The following BCAT1 variants were observed in gnomAD, a reference collection of about 807,000 sequenced individuals.
The protein encoded by BCAT1 is branched-chain-amino-acid aminotransferase, cytosolic.
A neutral mutation model predicts 52.4 loss-of-function variants in BCAT1; 48 were observed. That is an observed-to-expected ratio of 0.92 (90% CI 0.73 to 1.16). The LOEUF (loss-of-function observed/expected upper bound fraction) is 1.16, where lower values mean the gene tolerates loss of function less well. Among genes scored for constraint, BCAT1 ranks in the 50% most tolerant of loss-of-function variants. BCAT1 has a pLI of 0.00. For synonymous variants in BCAT1, 167 were observed against 161.3 expected (o/e 1.04, Z -0.27); for missense variants, 451 against 457.1 (o/e 0.99, Z 0.12).
intron 1 of BCAT1, among the ~76,000 whole-genome samples, chr12:24,928,093 C>T (rs1487472509): frequency 6.6e-6 from 1 of 152,202 alleles, no homozygotes; most frequent in Non-Finnish European, 1.5e-5. Context: ...TAAAAGAAAA[C>T]AAAATTCTTA....
chr12:24,920,390 C>T (rs1384635935), intron 1 of BCAT1, among the ~76,000 whole-genome samples: 1 of 152,166 alleles, frequency 6.6e-6, no homozygotes, highest in Non-Finnish European at 1.5e-5. Flanking sequence ...TAATGCTTGA[C>T]CTTAGATGCT....
At chr12:24,892,191 C>T (rs532109087) in intron 3 of BCAT1, among the ~76,000 whole-genome samples, 3 of 152,032 alleles carry the variant, frequency 2.0e-5, no homozygotes, top group South Asian at 4.1e-4. Flanking sequence ...CTGGTTTGAA[C>T]GACTCTGACA....
At chr12:24,892,298 AC>A (rs927489422) in intron 3 of BCAT1, among the ~76,000 whole-genome samples, 29 of 152,010 alleles carry the variant, frequency 1.9e-4, no homozygotes, top group African/African-American at 6.3e-4. Context: ...GATGTGAACC[AC>A]CCCACCCAGC....
chr12:24,831,512 G>T (rs2139378602), intron 9 of BCAT1, among the ~76,000 whole-genome samples: 1 of 152,288 alleles, frequency 6.6e-6, no homozygotes, highest in South Asian at 2.1e-4. Flanking sequence ...AGCTGGGTGT[G>T]GTGGTGCACA....
chr12:24,844,350 G>C (rs916143129), intron 6 of BCAT1, among the ~76,000 whole-genome samples: 4 of 152,070 alleles, frequency 2.6e-5, no homozygotes, highest in African/African-American at 9.7e-5. Context: ...AGAATTGCTT[G>C]AACTCGGGAG....
At position 24,894,125 on chromosome 12, in the gene BCAT1, T is replaced by C. The variant is rs1486080751; in HGVS notation, c.279+150A>G. 8 of 663,144 alleles carry C rather than the reference T, an allele frequency of 1.2e-5. No individual in the cohort carries two copies. In the East Asian group the frequency reaches 2.3e-4, roughly 19 times the overall value. 41.1% of individuals were successfully genotyped at this position (663,144 alleles called of 1,614,324 possible). A position where few individuals can be genotyped will look rare whatever the true frequency, so the allele number is the denominator to read the frequency against. ...CTAAGATTTATCTTCAATCCAACTG[T>C]CTATAGGAAAACTTTTAAAGACATT... On this transcript the variant is annotated intron_variant, in intron 3 of 10. Coordinates refer to ENST00000261192, the MANE Select transcript of BCAT1 (RefSeq NM_005504.7).
intron 1 of BCAT1, among the ~76,000 whole-genome samples, chr12:24,938,086 G>A (rs930369126): frequency 6.6e-5 from 10 of 152,310 alleles, no homozygotes; most frequent in African/African-American, 2.4e-4. Context: ...GAGGAGGTAA[G>A]TGCTAAAATC....
Position 24,828,296 on chromosome 12 carries a change from A to G in BCAT1, c.1119+1527T>C, listed in dbSNP as rs904380507. ...AACTTGTGAAATGCTTGCAAATTAC[A>G]GGATAATCTCTTTTCTGAGTAGCCC... On this transcript the variant is annotated intron_variant, in intron 10 of 10. Coordinates refer to ENST00000261192, the MANE Select transcript of BCAT1 (RefSeq NM_005504.7). Among the ~76,000 whole-genome samples the G allele has an allele frequency of 2.6e-5, 4 of 152,256 alleles. 1 individual carries two copies. The highest frequency in any genetic ancestry group is 5.9e-5 in the Non-Finnish European group (4 of 68,040).
At chr12:24,941,912 T>C (rs962399123) in intron 1 of BCAT1, among the ~76,000 whole-genome samples, 2 of 152,100 alleles carry the variant, frequency 1.3e-5, no homozygotes, top group Admixed American at 6.6e-5. Context: ...TAAATGCAAA[T>C]ATAAGAACAC....
At position 24,873,732 on chromosome 12, in the gene BCAT1, G is replaced by A. The variant is rs868720204; in HGVS notation, c.510+4798C>T. On this transcript the variant is annotated intron_variant, in intron 5 of 10. Coordinates refer to ENST00000261192, the MANE Select transcript of BCAT1 (RefSeq NM_005504.7). ...AAAATGAAATCTGAAATGCTCCAAT[G>A]AGCATTTTTAGTCATGTCAGTGCTC... Among the ~76,000 whole-genome samples the A allele has an allele frequency of 1.1e-4, 16 of 152,222 alleles. No homozygotes were observed. In the South Asian group the frequency reaches 1.9e-3, roughly 18 times the overall value.
intron 1 of BCAT1, among the ~76,000 whole-genome samples, chr12:24,906,940 A>G (rs1943235675): frequency 6.6e-6 from 1 of 152,180 alleles, no homozygotes. Context: ...CATGACAACC[A>G]GTGAAAATGT....
At chr12:24,834,040 C>G (rs1940817025) in intron 8 of BCAT1, 1 of 541,012 alleles carries the variant, frequency 1.8e-6, no homozygotes, top group Non-Finnish European at 2.4e-6. Context: ...CTATGTTGCC[C>G]AGGCTGGGCT....
intron 1 of BCAT1, chr12:24,945,574 T>G (rs1943922946): frequency 6.6e-6 from 1 of 152,228 alleles, no homozygotes; most frequent in African/African-American, 2.4e-5. Context: ...AGCACATGCC[T>G]GTAATCCCAG....
chr12:24,838,808 C>A (rs1591794752), intron 7 of BCAT1, among the ~76,000 whole-genome samples: 1 of 152,134 alleles, frequency 6.6e-6, no homozygotes, highest in East Asian at 1.9e-4. Context: ...TCCAGATTGC[C>A]CAACATGAGG....
In BCAT1 at chr12:24,816,640, C is replaced by T. The variant is rs1442023680; in HGVS notation, c.*1368G>A. The stretch of plus-strand genomic sequence containing the variant: ...TCTGCAATTAACACTTGACATAAAA[C>T]ATTTGTCATTTCCATTTGGTTGGTA... On this transcript the variant is annotated 3_prime_UTR_variant, in exon 11 of 11. Transcript: ENST00000261192. 3 of 389,054 alleles carry T rather than the reference C, an allele frequency of 7.7e-6. No individual in the cohort carries two copies. Among genetic ancestry groups the T allele is most frequent in the East Asian group, 7.3e-5 (2 of 27,550 alleles). 24.1% of individuals were successfully genotyped at this position (389,054 alleles called of 1,614,324 possible).
chr12:24,943,424 T>C (rs1294361267), intron 1 of BCAT1, among the ~76,000 whole-genome samples: 4 of 135,316 alleles, frequency 3.0e-5, no homozygotes, highest in African/African-American at 1.1e-4. Context: ...GCCCAGGAGG[T>C]TGAAGCTGAA....
At chr12:24,910,155 C>T (rs1943294617) in intron 1 of BCAT1, among the ~76,000 whole-genome samples, 1 of 152,114 alleles carries the variant, frequency 6.6e-6, no homozygotes, top group Non-Finnish European at 1.5e-5. Flanking sequence ...AGGCATATCA[C>T]CTGAGATCAG....
chr12:24,832,560 A>G (rs1372273665), intron 9 of BCAT1, among the ~76,000 whole-genome samples, 163 bp downstream of exon 9: 1 of 152,204 alleles, frequency 6.6e-6, no homozygotes, highest in Non-Finnish European at 1.5e-5. Context: ...CAGCCTGGGC[A>G]ACACAGCGAG....
rs1204321678 is a variant in BCAT1, at chr12:24,849,734, T to C, written c.674+52A>G. ...CATACTGAAGTGAAATGGCACTAAC[T>C]AAATGGTCATGAAGGTGTCTTTCCT... On this transcript the variant is annotated intron_variant, in intron 6 of 10. Transcript: ENST00000261192. 4.6e-6 allele frequency: 7 copies of C among 1,537,238 alleles called. No homozygotes were observed. In the African/African-American group the frequency reaches 5.5e-5, roughly 12 times the overall value.
Sources: allele counts gnomAD v4.1 joint callset (sites outside exome capture counted in the v4.1 genomes callset), GRCh38; gene constraint gnomAD v4.1.1; transcripts MANE v1.5; gene names NCBI Gene and HGNC (gene_info 2026-07-23, HGNC 2026-07-21).